AGBL4: variants seen among roughly 807,000 people sequenced by gnomAD.
The protein encoded by AGBL4 is cytosolic carboxypeptidase 6.
In AGBL4, 58 loss-of-function variants were observed where a neutral mutation model predicts 66.4. The ratio of observed to expected loss-of-function variants is 0.87; its 90% confidence interval spans 0.71 to 1.09. The LOEUF (loss-of-function observed/expected upper bound fraction) is 1.09. Among genes scored for constraint, AGBL4 ranks in the 50% least tolerant of loss-of-function variants. The pLI is 0.00. For synonymous variants in AGBL4, 234 were observed against 222.9 expected, an observed-to-expected ratio of 1.05 and a Z score of -0.44; for missense variants, 579 against 631.0, an observed-to-expected ratio of 0.92 and a Z score of 0.88.
At chr1:49,307,093 A>G (rs1644861288) in intron 3 of AGBL4, among the ~76,000 whole-genome samples, 1 of 152,166 alleles carries the variant, frequency 6.6e-6, no homozygotes, top group African/African-American at 2.4e-5. Flanking sequence ...GGAAAGAAAA[A>G]TTTATCTGGA....
intron 2 of AGBL4, among the ~76,000 whole-genome samples, chr1:49,756,784 G>T (rs1243379567): frequency 2.0e-5 from 3 of 152,194 alleles, no homozygotes; most frequent in African/African-American, 7.2e-5. Context: ...GGATATGTTT[G>T]CTTCCCCTTC....
rs144636464 is a variant in AGBL4, at chr1:48,947,206, C to T, written c.595-79976G>A. Among the ~76,000 whole-genome samples, 1,122 of 152,312 alleles carry T rather than the reference C, an allele frequency of 7.4e-3. 13 individuals are homozygous for T. Among genetic ancestry groups the T allele is most frequent in the African/African-American group, 0.025 (1,050 of 41,568 alleles). On this transcript the variant is annotated intron_variant, in intron 5 of 13. Coordinates refer to ENST00000371839, the MANE Select transcript of AGBL4 (RefSeq NM_032785.4). ...GATGCTCCAGGTTAGGTTAGGCCTC[C>T]CCTTGTATGTTTTCTTAGCACCTTG...
intron 3 of AGBL4, among the ~76,000 whole-genome samples, chr1:49,564,355 A>C (rs1355581430): frequency 1.3e-5 from 2 of 151,978 alleles, no homozygotes; most frequent in African/African-American, 4.8e-5. Context: ...CTAGCTTTTG[A>C]ATGTGTTTGC....
At chr1:49,995,531 C>T in intron 1 of AGBL4, 1 of 326,310 alleles carries the variant, frequency 3.1e-6, no homozygotes, top group South Asian at 2.6e-5. Context: ...CATGCCTAAC[C>T]CTGCCCTCAC....
At chr1:49,444,778 C>T (rs1646115459) in intron 3 of AGBL4, among the ~76,000 whole-genome samples, 1 of 151,902 alleles carries the variant, frequency 6.6e-6, no homozygotes, top group Non-Finnish European at 1.5e-5. Context: ...ACATGCAAGG[C>T]TATTATTGAT....
intron 6 of AGBL4, among the ~76,000 whole-genome samples, chr1:48,846,422 A>AAAG (rs1553243687): frequency 7.4e-6 from 1 of 134,940 alleles, no homozygotes; most frequent in Non-Finnish European, 1.6e-5. Context: ...AGAAAGAAAG[A>AAAG]AATTCATTTA....
intron 3 of AGBL4, among the ~76,000 whole-genome samples, chr1:49,261,510 C>A (rs2148362835): frequency 6.7e-6 from 1 of 149,356 alleles, no homozygotes; most frequent in Admixed American, 6.6e-5. Flanking sequence ...TCTTATACAC[C>A]AATAACAGAC....
chr1:49,883,293 A>G (rs1031338589), intron 1 of AGBL4, among the ~76,000 whole-genome samples: 2 of 152,028 alleles, frequency 1.3e-5, no homozygotes, highest in African/African-American at 4.8e-5. Flanking sequence ...ATATATGCAT[A>G]TTTGTTTTTC....
intron 3 of AGBL4, among the ~76,000 whole-genome samples, chr1:49,552,739 G>T (rs1047189372): frequency 6.6e-6 from 1 of 152,128 alleles, no homozygotes; most frequent in African/African-American, 2.4e-5. Flanking sequence ...TCTTACAGTC[G>T]ATTTGGAGCT....
chr1:49,227,327 C>G (rs1015019948), intron 4 of AGBL4, among the ~76,000 whole-genome samples: 1 of 152,144 alleles, frequency 6.6e-6, no homozygotes, highest in African/African-American at 2.4e-5. Flanking sequence ...ATAGGATGAA[C>G]AAAACGATTT....
intron 12 of AGBL4, among the ~76,000 whole-genome samples, chr1:48,537,059 A>G (rs929106508): frequency 8.5e-5 from 13 of 152,250 alleles, no homozygotes; most frequent in African/African-American, 2.9e-4. Flanking sequence ...GAGTCAAAAC[A>G]TGTAATTTTC....
chr1:49,003,220 A>G (rs1265931727), intron 5 of AGBL4, among the ~76,000 whole-genome samples: 4 of 152,184 alleles, frequency 2.6e-5, no homozygotes, highest in African/African-American at 9.7e-5. Context: ...TAACATGGTG[A>G]AACCCCGTCT....
At chr1:49,869,943 G>T (rs1646797991) in intron 1 of AGBL4, among the ~76,000 whole-genome samples, 1 of 152,074 alleles carries the variant, frequency 6.6e-6, no homozygotes. Flanking sequence ...ATTTCAAATA[G>T]CTAGAAAAGA....
chr1:49,896,426 C>T (rs1323119968), intron 1 of AGBL4, among the ~76,000 whole-genome samples: 1 of 151,850 alleles, frequency 6.6e-6, no homozygotes, highest in Non-Finnish European at 1.5e-5. Context: ...AAGGAAAAGT[C>T]TCTGACCAAA....
At chr1:48,724,298 G>C (rs1388505291) in intron 6 of AGBL4, among the ~76,000 whole-genome samples, 2 of 152,160 alleles carry the variant, frequency 1.3e-5, no homozygotes, top group Non-Finnish European at 2.9e-5. Flanking sequence ...GAAGTAACTT[G>C]CTTCATTTGT....
chr1:49,868,573 G>A (rs1003709218), intron 1 of AGBL4, among the ~76,000 whole-genome samples: 4 of 152,122 alleles, frequency 2.6e-5, no homozygotes, highest in East Asian at 1.9e-4. Flanking sequence ...AATTGAAACC[G>A]GACTCCTACC....
chr1:49,507,052 C>G (rs1376238089), intron 3 of AGBL4, among the ~76,000 whole-genome samples: 1 of 151,998 alleles, frequency 6.6e-6, no homozygotes, highest in Non-Finnish European at 1.5e-5. Context: ...AGACCTGTCT[C>G]AAGAAGATGT....
chr1:48,879,687 T>G (rs561249254), intron 5 of AGBL4, among the ~76,000 whole-genome samples: 2 of 152,306 alleles, frequency 1.3e-5, no homozygotes, highest in Admixed American at 1.3e-4. Context: ...TTAACTTATC[T>G]TATCCTCACA....
At chr1:48,929,241 G>A (rs1654837343) in intron 5 of AGBL4, among the ~76,000 whole-genome samples, 1 of 152,086 alleles carries the variant, frequency 6.6e-6, no homozygotes, top group Non-Finnish European at 1.5e-5. Context: ...TGTATCCCAC[G>A]GCCTAGAGGG....
Sources: allele counts gnomAD v4.1 joint callset (sites outside exome capture counted in the v4.1 genomes callset), GRCh38; gene constraint gnomAD v4.1.1; transcripts MANE v1.5; gene names NCBI Gene and HGNC (gene_info 2026-07-23, HGNC 2026-07-21).